SBF2: variants seen among roughly 807,000 people sequenced by gnomAD.
SBF2 encodes the protein SET binding factor 2, also known as myotubularin-related protein 13.
SBF2 carries 112 observed loss-of-function variants against 225.2 expected under a neutral mutation model. The ratio of observed to expected loss-of-function variants is 0.50; its 90% confidence interval spans 0.43 to 0.58. The LOEUF is 0.58. Among genes scored for constraint, SBF2 ranks in the 20% least tolerant of loss-of-function variants. SBF2 has a pLI of 0.00. For missense variants in SBF2, 1,996 were observed against 2,206.2 expected (o/e 0.90, Z 1.91); for synonymous variants, 763 against 773.3 (o/e 0.99, Z 0.22).
At chr11:10,008,952 G>A (rs1014832270) in intron 6 of SBF2, among the ~76,000 whole-genome samples, 1 of 152,240 alleles carries the variant, frequency 6.6e-6, no homozygotes, top group African/African-American at 2.4e-5. Context: ...TAAATGCGGT[G>A]CACATAACCA....
intron 16 of SBF2, among the ~76,000 whole-genome samples, chr11:9,944,931 C>A (rs1865478967): frequency 6.6e-6 from 1 of 152,044 alleles, no homozygotes; most frequent in South Asian, 2.1e-4. Flanking sequence ...CAAAGTGAGA[C>A]CCTGTCTCTA....
At chr11:9,958,491 T>TG (rs1397905299) in intron 16 of SBF2, 15 of 157,028 alleles carry the variant, frequency 9.6e-5, no homozygotes, top group Non-Finnish European at 2.1e-4. Context: ...CCCGAGTAGC[T>TG]GGGACTACAG....
At chr11:10,283,480 C>T (rs578154963) in intron 1 of SBF2, among the ~76,000 whole-genome samples, 1 of 151,470 alleles carries the variant, frequency 6.6e-6, no homozygotes, top group South Asian at 2.1e-4. Flanking sequence ...TGATTAAATG[C>T]CTAAGAAACA....
Position 10,179,022 on chromosome 11 carries a change from T to G in SBF2, c.141+14880A>C, listed in dbSNP as rs58278961. 9.9e-3 allele frequency among the ~76,000 whole-genome samples: 1,304 copies of G among 131,392 alleles called. 9 individuals carry two copies. The highest frequency in any genetic ancestry group is 0.033 in the East Asian group (113 of 3,448). The allele number at this position is 131,392 out of a possible 152,430, so 86.2% of individuals were successfully genotyped here. ...TGGAATACTATGCAGCCATAAAAAA[T>G]GATGAGTTCATGTCCTTTGTAGGGA... is the stretch of plus-strand genomic sequence containing the variant. On this transcript the variant is annotated intron_variant, in intron 2 of 39. Coordinates refer to ENST00000256190, the MANE Select transcript of SBF2 (RefSeq NM_030962.4).
chr11:10,173,858 C>A (rs1274532031), intron 2 of SBF2, among the ~76,000 whole-genome samples: 11 of 151,482 alleles, frequency 7.3e-5, no homozygotes, highest in African/African-American at 2.2e-4. Flanking sequence ...TGACCCCTGA[C>A]CCCCGAGCAG....
chr11:9,933,616 C>A (rs1221425291), intron 16 of SBF2, among the ~76,000 whole-genome samples: 4 of 152,118 alleles, frequency 2.6e-5, no homozygotes, highest in African/African-American at 9.6e-5. Flanking sequence ...ACTAATGAGA[C>A]CAAAGACACA....
intron 13 of SBF2, among the ~76,000 whole-genome samples, chr11:9,977,011 G>A (rs1946725714): frequency 6.6e-6 from 1 of 152,084 alleles, no homozygotes; most frequent in Admixed American, 6.5e-5. Flanking sequence ...ACCTGCCTCA[G>A]TCTCCCAAAG....
At chr11:10,224,831 T>C (rs1958476477) in intron 1 of SBF2, among the ~76,000 whole-genome samples, 1 of 152,188 alleles carries the variant, frequency 6.6e-6, no homozygotes, top group South Asian at 2.1e-4. Flanking sequence ...TGTTGTTTTG[T>C]TTTGCTTTTA....
At chr11:9,832,999 G>A (rs987698254) in intron 26 of SBF2, among the ~76,000 whole-genome samples, 19 of 152,128 alleles carry the variant, frequency 1.2e-4, no homozygotes, top group African/African-American at 4.1e-4. Context: ...AATAAAGATC[G>A]TAAGATTACC....
rs1312070512 is a variant in SBF2 at position 10,176,139 on chromosome 11, C to T, written c.141+17763G>A. 4.0e-5 allele frequency among the ~76,000 whole-genome samples: 5 copies of T among 125,902 alleles called. 1 individual carries two copies. In the South Asian group the frequency reaches 1.5e-3, roughly 38 times the overall value. 82.6% of individuals were successfully genotyped at this position (125,902 alleles called of 152,430 possible). A position where few individuals can be genotyped will look rare whatever the true frequency, so the allele number is the denominator to read the frequency against. On this transcript the variant is annotated intron_variant, in intron 2 of 39. Transcript: ENST00000256190. ...CAGAAATAAAGATGTTCTTTGAAAC[C>T]AACGAGAACAAAGACACAACATACC...
At chr11:10,238,387 G>A (rs1238172751) in intron 1 of SBF2, among the ~76,000 whole-genome samples, 1 of 152,036 alleles carries the variant, frequency 6.6e-6, no homozygotes, top group Non-Finnish European at 1.5e-5. Flanking sequence ...TCCGGCCTGG[G>A]CAACAGAGTA....
At chr11:9,986,036 A>T (rs1947184514) in intron 13 of SBF2, among the ~76,000 whole-genome samples, 1 of 152,232 alleles carries the variant, frequency 6.6e-6, no homozygotes, top group African/African-American at 2.4e-5. Flanking sequence ...CATAGGACAT[A>T]AAACAAGCCT....
intron 1 of SBF2, among the ~76,000 whole-genome samples, chr11:10,235,914 A>G (rs1044028686): frequency 7.2e-5 from 11 of 152,240 alleles, no homozygotes; most frequent in Middle Eastern, 3.4e-3. Context: ...CACAAATAAT[A>G]GAAACAATTA....
chr11:10,132,979 C>T (rs1954143256), intron 2 of SBF2, among the ~76,000 whole-genome samples: 1 of 149,120 alleles, frequency 6.7e-6, no homozygotes, highest in South Asian at 2.1e-4. Context: ...CATTCACAAA[C>T]CTTGAGCTAA....
chr11:10,196,866 A>ATAT, intron 1 of SBF2, among the ~76,000 whole-genome samples: 1,632 of 99,190 alleles, frequency 0.016, 56 homozygotes, highest in Middle Eastern at 0.035. Context: ...ATATATATAT[A>ATAT]TTTTTTTTTT....
At chr11:10,129,072 GT>G (rs1415200451) in intron 2 of SBF2, among the ~76,000 whole-genome samples, 1 of 132,696 alleles carries the variant, frequency 7.5e-6, no homozygotes, top group Non-Finnish European at 1.6e-5. Flanking sequence ...GAGAAAAATG[GT>G]TTTGTTATTT....
intron 2 of SBF2, among the ~76,000 whole-genome samples, chr11:10,123,546 A>C (rs895514186): frequency 6.6e-6 from 1 of 152,092 alleles, no homozygotes; most frequent in Non-Finnish European, 1.5e-5. Flanking sequence ...AATTAAAATC[A>C]CTTATCCCTA....
chr11:9,800,356 C>A (rs1853414744), intron 32 of SBF2, among the ~76,000 whole-genome samples: 5 of 152,026 alleles, frequency 3.3e-5, no homozygotes. Flanking sequence ...TGTGATTGGT[C>A]TTTTCATTTG....
intron 1 of SBF2, among the ~76,000 whole-genome samples, chr11:10,251,657 A>T (rs1046999879): frequency 1.3e-4 from 20 of 152,212 alleles, no homozygotes; most frequent in African/African-American, 4.6e-4. Context: ...AACTCCTGGC[A>T]TTATCCTCCC....
Sources: gnomAD v4.1 joint callset for allele counts (sites outside exome capture counted in the v4.1 genomes callset) on GRCh38, gnomAD v4.1.1 for gene constraint, MANE v1.5 for transcripts, NCBI Gene and HGNC (gene_info 2026-07-23, HGNC 2026-07-21) for gene names.